Variants in GALNT18 observed in about 807,000 individuals in gnomAD.
The protein encoded by GALNT18 is GalNAc-transferase 18.
GALNT18 carries 44 observed loss-of-function variants against 69.5 expected under a neutral mutation model. That is an observed-to-expected ratio of 0.63 (90% CI 0.50 to 0.81). The LOEUF is 0.81. GALNT18 is among the 40% of genes least tolerant of loss of function. The pLI, the probability that GALNT18 is intolerant of heterozygous loss-of-function variation, is 0.00. For synonymous variants in GALNT18, 364 were observed against 318.2 expected (o/e 1.14, Z -1.53); for missense variants, 715 against 810.0 (o/e 0.88, Z 1.42).
At chr11:11,331,187 C>T (rs1180670812) in intron 8 of GALNT18, among the ~76,000 whole-genome samples, 1 of 152,164 alleles carries the variant, frequency 6.6e-6, no homozygotes, top group Non-Finnish European at 1.5e-5. Context: ...TCAGGTACTA[C>T]CTGAGCAGCA....
At chr11:11,363,985 T>C (rs962822514) in intron 6 of GALNT18, among the ~76,000 whole-genome samples, 1 of 151,190 alleles carries the variant, frequency 6.6e-6, no homozygotes, top group Non-Finnish European at 1.5e-5. Context: ...TAAATGTATG[T>C]AAGGATAATT....
At position 11,377,095 on chromosome 11, in the gene GALNT18, C is replaced by A; in HGVS notation, c.977+87G>T. 7.6e-7 allele frequency: 1 copy of A among 1,310,646 alleles called. No homozygotes were observed. The highest frequency in any genetic ancestry group is 1.3e-5 in the South Asian group (1 of 76,982). 81.2% of individuals were successfully genotyped at this position (1,310,646 alleles called of 1,614,324 possible). A position where few individuals can be genotyped will look rare whatever the true frequency, so the allele number is the denominator to read the frequency against. On this transcript the variant is annotated intron_variant, in intron 5 of 10. Transcript: ENST00000227756. The surrounding 1 kb of genome is among the most constrained non-coding windows in gnomAD (Gnocchi z 4.6). ...CCCCTGTCATCCCCACGATGGGGCT[C>A]AAGTTGGAGAATAAGCATTGGACCA...
chr11:11,274,569 A>G (rs1273043282), intron 10 of GALNT18, among the ~76,000 whole-genome samples: 2 of 152,092 alleles, frequency 1.3e-5, no homozygotes, highest in Non-Finnish European at 2.9e-5. Context: ...TTATTATTGT[A>G]CTTTAAGTTC....
At chr11:11,410,840 T>C (rs973634024) in intron 3 of GALNT18, among the ~76,000 whole-genome samples, 1 of 152,146 alleles carries the variant, frequency 6.6e-6, no homozygotes, top group African/African-American at 2.4e-5. Context: ...GACCCTTACT[T>C]AACCCAAGCT....
rs1425980885 is a variant in GALNT18, at chr11:11,309,472, C to A, written c.1513-16279G>T. Among the ~76,000 whole-genome samples the A allele has an allele frequency of 6.6e-6, 1 of 151,978 alleles. No individual in the cohort carries two copies. The highest frequency in any genetic ancestry group is 1.5e-5 in the Non-Finnish European group (1 of 68,014). The stretch of plus-strand genomic sequence containing the variant: ...TGACCTCTCCCTAGAAATGCTGCGC[C>A]CAATTTTTAATAATGGCACTCTTGC... On this transcript the variant is annotated intron_variant, in intron 9 of 10. Transcript: ENST00000227756. This position sits in a 1 kb window ranked among gnomAD's most constrained non-coding sequence, Gnocchi z 4.6.
intron 6 of GALNT18, among the ~76,000 whole-genome samples, chr11:11,343,491 A>C (rs1025238438): frequency 2.0e-5 from 3 of 152,208 alleles, no homozygotes; most frequent in African/African-American, 4.8e-5. Flanking sequence ...CACGATGATC[A>C]AGCTTTGAAA....
rs767815893 is a variant in GALNT18 at position 11,389,434 on chromosome 11, G to T, written c.596-10170C>A. On this transcript the variant is annotated intron_variant, in intron 3 of 10. Transcript: ENST00000227756. The surrounding 1 kb of genome is among the most constrained non-coding windows in gnomAD (Gnocchi z 4.3). ...CTTGGCAAAGGGCCACCTCGCCTTT[G>T]TACTTCCTGGGGCTGTGTGAGGAGG... 9.2e-5 allele frequency among the ~76,000 whole-genome samples: 14 copies of T among 152,350 alleles called. No individual in the cohort carries two copies. Among genetic ancestry groups the T allele is most frequent in the Middle Eastern group, 3.4e-3 (1 of 294 alleles).
In GALNT18 at chr11:11,546,221, G is replaced by A. The variant is rs1349896064; in HGVS notation, c.235+75138C>T. 6.6e-6 allele frequency among the ~76,000 whole-genome samples: 1 copy of A among 152,112 alleles called. No homozygotes were observed. Among genetic ancestry groups the A allele is most frequent in the Non-Finnish European group, 1.5e-5 (1 of 68,028 alleles). On this transcript the variant is annotated intron_variant, in intron 1 of 10. Transcript: ENST00000227756. The surrounding 1 kb of genome is among the most constrained non-coding windows in gnomAD (Gnocchi z 5.8). ...TCATAGTTGGAAGATAGGGTACACA[G>A]GGAGGAGACCCAACCATCCCATCTG...
chr11:11,287,651 C>T (rs1389245241), intron 10 of GALNT18, among the ~76,000 whole-genome samples: 1 of 152,214 alleles, frequency 6.6e-6, no homozygotes, highest in East Asian at 1.9e-4. Context: ...ATGAATTTAT[C>T]ATCCCAGTAG....
At chr11:11,533,761 T>C (rs1026906458) in intron 1 of GALNT18, among the ~76,000 whole-genome samples, 5 of 152,246 alleles carry the variant, frequency 3.3e-5, no homozygotes, top group African/African-American at 1.2e-4. Flanking sequence ...TGGCCTGCCC[T>C]GGTGCATGTC....
intron 3 of GALNT18, among the ~76,000 whole-genome samples, chr11:11,412,948 T>C (rs565477210): frequency 6.6e-6 from 1 of 152,320 alleles, no homozygotes; most frequent in South Asian, 2.1e-4. Flanking sequence ...AGCTAGTGGA[T>C]AAATACCCCA....
At chr11:11,281,516 C>A (rs917591838) in intron 10 of GALNT18, among the ~76,000 whole-genome samples, 3 of 152,194 alleles carry the variant, frequency 2.0e-5, no homozygotes, top group Admixed American at 6.5e-5. Context: ...CCAGGCCTTG[C>A]CAACAGCGAG....
chr11:11,601,386 T>C lies in GALNT18; in HGVS notation c.235+19973A>G, dbSNP rs763266128. Among the ~76,000 whole-genome samples the C allele has an allele frequency of 6.6e-6, 1 of 152,218 alleles. No individual in the cohort carries two copies. The highest frequency in any genetic ancestry group is 1.5e-5 in the Non-Finnish European group (1 of 68,032). ...CTTCTTGAAGGTGAAACCTTAGGCA[T>C]GTGCACAGTGTCCTGATTCTCCCTA... On this transcript the variant is annotated intron_variant, in intron 1 of 10. Coordinates refer to ENST00000227756, the MANE Select transcript of GALNT18 (RefSeq NM_198516.3). The surrounding 1 kb of genome is among the most constrained non-coding windows in gnomAD (Gnocchi z 4.0).
chr11:11,315,036 A>ATATG lies in GALNT18; in HGVS notation c.1512+12046_1512+12049dup, dbSNP rs1343387369. 2.9e-5 allele frequency among the ~76,000 whole-genome samples: 3 copies of ATATG among 104,710 alleles called. No homozygotes were observed. Among genetic ancestry groups the ATATG allele is most frequent in the Non-Finnish European group, 6.1e-5 (3 of 48,792 alleles). 68.7% of individuals were successfully genotyped at this position (104,710 alleles called of 152,430 possible). A position where few individuals can be genotyped will look rare whatever the true frequency, so the allele number is the denominator to read the frequency against. On this transcript the variant is annotated intron_variant, in intron 9 of 10. Coordinates refer to ENST00000227756, the MANE Select transcript of GALNT18 (RefSeq NM_198516.3). The surrounding 1 kb of genome is among the most constrained non-coding windows in gnomAD (Gnocchi z 5.6). ...TAGCAGAGATGGACACATACTAATTATATGTGTGTGTGTGTGTGTGTGTGT... is the reference window on the plus strand; with the variant it reads ...TAGCAGAGATGGACACATACTAATTATATGTATGTGTGTGTGTGTGTGTGTGTGT...
At chr11:11,363,508 T>C (rs1850687812) in intron 6 of GALNT18, among the ~76,000 whole-genome samples, 1 of 152,178 alleles carries the variant, frequency 6.6e-6, no homozygotes, top group Non-Finnish European at 1.5e-5. Context: ...TTGAGCATTC[T>C]GGGGAATAAA....
intron 3 of GALNT18, among the ~76,000 whole-genome samples, chr11:11,408,544 C>A (rs1348890960): frequency 6.6e-6 from 1 of 151,994 alleles, no homozygotes; most frequent in Non-Finnish European, 1.5e-5. Context: ...CAAGAGTCGC[C>A]GTCTCTTTGG....
At chr11:11,289,179 G>T (rs746298811) in intron 10 of GALNT18, among the ~76,000 whole-genome samples, 1 of 152,200 alleles carries the variant, frequency 6.6e-6, no homozygotes, top group Non-Finnish European at 1.5e-5. Flanking sequence ...ATGAGGGCTC[G>T]AGGAGAGATT....
rs1227917857 is a variant in GALNT18 at position 11,404,257 on chromosome 11, C to T, written c.596-24993G>A. Among the ~76,000 whole-genome samples, 1 of 152,156 alleles carries T rather than the reference C, an allele frequency of 6.6e-6. No homozygotes were observed. Among genetic ancestry groups the T allele is most frequent in the African/African-American group, 2.4e-5 (1 of 41,442 alleles). ...TGGGGATGGCATTGATCACTGAATT[C>T]CCCAGGGGAGCCCTGGGCTTCAGTG... On this transcript the variant is annotated intron_variant, in intron 3 of 10. Transcript: ENST00000227756. The surrounding 1 kb of genome is among the most constrained non-coding windows in gnomAD (Gnocchi z 4.5).
intron 10 of GALNT18, among the ~76,000 whole-genome samples, chr11:11,291,382 C>T (rs1170760571): frequency 6.6e-6 from 1 of 152,216 alleles, no homozygotes; most frequent in Non-Finnish European, 1.5e-5. Context: ...TCGTTAACTT[C>T]TCTGTGACTC....
Sources: allele counts gnomAD v4.1 joint callset (sites outside exome capture counted in the v4.1 genomes callset), GRCh38; gene constraint gnomAD v4.1.1; non-coding constraint Gnocchi (gnomAD v3.1); transcripts MANE v1.5; gene names NCBI Gene and HGNC (gene_info 2026-07-23, HGNC 2026-07-21).